Variants in CNTNAP5 observed in about 807,000 individuals in gnomAD.
CNTNAP5 encodes the protein contactin-associated protein-like 5.
A neutral mutation model predicts 150.2 loss-of-function variants in CNTNAP5; 72 were observed. The observed-to-expected ratio is 0.48, with a 90% CI of 0.40 to 0.58. The LOEUF (loss-of-function observed/expected upper bound fraction) is 0.58. Among genes scored for constraint, CNTNAP5 ranks in the 20% least tolerant of loss-of-function variants. The pLI is 0.00. For missense variants in CNTNAP5, 1,636 were observed against 1,626.2 expected (o/e 1.01, Z -0.10); for synonymous variants, 672 against 619.8 (o/e 1.08, Z -1.25).
intron 1 of CNTNAP5, among the ~76,000 whole-genome samples, chr2:124,153,751 A>T (rs997954424): frequency 7.3e-5 from 11 of 151,472 alleles, no homozygotes; most frequent in African/African-American, 1.2e-4. Flanking sequence ...CTGAGATTAC[A>T]GGCGTATGCC....
At chr2:124,674,501 CTTTCTTTCTCTTTCTTT>C (rs1678891120) in intron 13 of CNTNAP5, among the ~76,000 whole-genome samples, 3 of 89,896 alleles carry the variant, frequency 3.3e-5, no homozygotes, top group African/African-American at 1.0e-4. Flanking sequence ...TACTTCCTTT[CTTTCTTTCTCTTTCTTT>C]CTTTCTTTCT....
At chr2:124,424,888 A>G (rs2104785367) in intron 4 of CNTNAP5, among the ~76,000 whole-genome samples, 1 of 152,316 alleles carries the variant, frequency 6.6e-6, no homozygotes, top group South Asian at 2.1e-4. Flanking sequence ...CAAAGGAGAA[A>G]AAAAATACAC....
chr2:124,099,424 C>A (rs1683013822), intron 1 of CNTNAP5, among the ~76,000 whole-genome samples: 2 of 152,202 alleles, frequency 1.3e-5, no homozygotes, highest in South Asian at 4.1e-4. Context: ...AGGGCAAAAT[C>A]TGTCATATTC....
At chr2:124,527,205 A>C (rs879452040) in intron 9 of CNTNAP5, 80 bp from the exon 10 acceptor site, 9 of 1,236,696 alleles carry the variant, frequency 7.3e-6, no homozygotes, top group Admixed American at 4.1e-5. Context: ...ATTAGACCTC[A>C]AGGTCTTCCA....
At chr2:124,551,850 A>G (rs2104917797) in intron 10 of CNTNAP5, among the ~76,000 whole-genome samples, 1 of 152,278 alleles carries the variant, frequency 6.6e-6, no homozygotes. Context: ...TTATTTCCGT[A>G]GGTTTTTATT....
chr2:124,566,793 G>T (rs1323973620), intron 11 of CNTNAP5, among the ~76,000 whole-genome samples: 2 of 152,172 alleles, frequency 1.3e-5, no homozygotes, highest in Non-Finnish European at 2.9e-5. Flanking sequence ...CAAACCAAGT[G>T]ATTTCATCAG....
At chr2:124,184,889 G>A (rs1050191633) in intron 1 of CNTNAP5, among the ~76,000 whole-genome samples, 2 of 152,070 alleles carry the variant, frequency 1.3e-5, no homozygotes, top group Non-Finnish European at 2.9e-5. Context: ...GAAGACTGTG[G>A]GGTAAAATCG....
chr2:124,293,551 A>G (rs1688353297), intron 3 of CNTNAP5, among the ~76,000 whole-genome samples: 1 of 152,220 alleles, frequency 6.6e-6, no homozygotes, highest in Non-Finnish European at 1.5e-5. Context: ...AATGTTCAGC[A>G]AATTATATGA....
At chr2:124,646,755 C>G (rs1678210023) in intron 12 of CNTNAP5, among the ~76,000 whole-genome samples, 1 of 152,090 alleles carries the variant, frequency 6.6e-6, no homozygotes, top group African/African-American at 2.4e-5. Context: ...GGGTATTGCT[C>G]TCTTGTTTTT....
At chr2:124,348,389 C>T (rs1015972951) in intron 3 of CNTNAP5, among the ~76,000 whole-genome samples, 7 of 152,196 alleles carry the variant, frequency 4.6e-5, no homozygotes, top group African/African-American at 1.4e-4. Flanking sequence ...AGGGCATCCT[C>T]GTTTTGTTTC....
intron 1 of CNTNAP5, among the ~76,000 whole-genome samples, chr2:124,152,159 A>G (rs865923891): frequency 7.2e-5 from 11 of 152,222 alleles, no homozygotes; most frequent in Admixed American, 6.5e-5. Context: ...CAGGTAAGCC[A>G]GCGCACATAC....
intron 7 of CNTNAP5, among the ~76,000 whole-genome samples, chr2:124,503,607 A>G (rs1226223972): frequency 2.0e-5 from 3 of 152,180 alleles, no homozygotes; most frequent in Non-Finnish European, 4.4e-5. Flanking sequence ...ATGTCACTGC[A>G]CTGTTTCTAA....
At chr2:124,841,343 G>T (rs185379866) in intron 19 of CNTNAP5, among the ~76,000 whole-genome samples, 2 of 150,866 alleles carry the variant, frequency 1.3e-5, no homozygotes, top group East Asian at 3.9e-4. Context: ...AAGCTTACAC[G>T]CCCACCTTCC....
chr2:124,593,640 G>A (rs1696754769), intron 11 of CNTNAP5, among the ~76,000 whole-genome samples: 1 of 29,466 alleles, frequency 3.4e-5, no homozygotes, highest in African/African-American at 1.3e-4. Context: ...TAGTCATTTG[G>A]GTATATACCC....
At chr2:124,312,100 G>A (rs1290678872) in intron 3 of CNTNAP5, among the ~76,000 whole-genome samples, 6 of 152,194 alleles carry the variant, frequency 3.9e-5, no homozygotes, top group Non-Finnish European at 1.5e-5. Context: ...GAAGCTGAAT[G>A]GAAGTAGGTG....
intron 10 of CNTNAP5, among the ~76,000 whole-genome samples, chr2:124,553,970 T>A (rs1345296387): frequency 1.3e-5 from 2 of 152,108 alleles, no homozygotes; most frequent in African/African-American, 4.8e-5. Flanking sequence ...CCGATGGGAG[T>A]GTTCTGGTGC....
chr2:124,661,566 CT>C (rs35551884), intron 13 of CNTNAP5, among the ~76,000 whole-genome samples: 83,908 of 150,258 alleles, frequency 0.56, 23,863 homozygotes, highest in Non-Finnish European at 0.62. Context: ...GGCTGTTTCA[CT>C]TTTTTTTTTA....
chr2:124,116,076 A>T lies in CNTNAP5; in HGVS notation c.82+90344A>T, dbSNP rs115205096. Among the ~76,000 whole-genome samples the T allele has an allele frequency of 7.6e-3, 1,160 of 152,316 alleles. 10 individuals are homozygous for T. Among genetic ancestry groups the T allele is most frequent in the African/African-American group, 0.026 (1,082 of 41,564 alleles). ...CACAAACTTACAACAATGAAGAAATAAACATTAAATGCTCTACAGGGCCAG... is the reference window on the plus strand; with the variant it reads ...CACAAACTTACAACAATGAAGAAATTAACATTAAATGCTCTACAGGGCCAG... On this transcript the variant is annotated intron_variant, in intron 1 of 23. Coordinates refer to ENST00000682447, the MANE Select transcript of CNTNAP5 (RefSeq NM_001367498.1).
intron 19 of CNTNAP5, among the ~76,000 whole-genome samples, chr2:124,851,656 C>T (rs781154417): frequency 6.9e-4 from 105 of 152,044 alleles, no homozygotes; most frequent in Non-Finnish European, 1.2e-3. Context: ...CAGTTGTCTT[C>T]GAGAAGATGG....
Sources: gnomAD v4.1 joint callset for allele counts (sites outside exome capture counted in the v4.1 genomes callset) on GRCh38, gnomAD v4.1.1 for gene constraint, MANE v1.5 for transcripts, NCBI Gene and HGNC (gene_info 2026-07-23, HGNC 2026-07-21) for gene names.